HMCN2: variants seen among roughly 807,000 people sequenced by gnomAD.
The protein encoded by HMCN2 is hemicentin-2.
Under a neutral mutation model 377.5 loss-of-function variants are expected in HMCN2, and 325 were observed. The observed-to-expected ratio is 0.86, with a 90% CI of 0.79 to 0.94. The LOEUF is 0.94. Ranked by LOEUF, HMCN2 falls within the 40% of genes least tolerant of loss-of-function variation. The pLI is 0.00. For synonymous variants in HMCN2, 2,007 were observed against 2,046.8 expected (o/e 0.98, Z 0.53); for missense variants, 4,543 against 4,725.3 (o/e 0.96, Z 1.13).
In HMCN2 at chr9:130,408,949, G is replaced by C. The variant is rs746498483; in HGVS notation, c.12879+16G>C. On this transcript the variant is annotated intron_variant, in intron 84 of 97. Transcript: ENST00000683500. ...CAGGACTGAGGCAAGGCGGGGCCTGGCACCTTGGGTGGGGCCACTGAGGAC... is the reference window on the plus strand; with the variant it reads ...CAGGACTGAGGCAAGGCGGGGCCTGCCACCTTGGGTGGGGCCACTGAGGAC... 3 of 1,284,536 alleles carry C rather than the reference G, an allele frequency of 2.3e-6. No individual in the cohort carries two copies. The highest frequency in any genetic ancestry group is 3.0e-5 in the African/African-American group (2 of 65,780). 79.6% of individuals were successfully genotyped at this position (1,284,536 alleles called of 1,614,324 possible).
At chr9:130,420,162 C>T (rs2131792457) in intron 86 of HMCN2, among the ~76,000 whole-genome samples, 1 of 145,264 alleles carries the variant, frequency 6.9e-6, no homozygotes, top group African/African-American at 2.5e-5. Context: ...GCAAGCTCTG[C>T]TCCCCGGGTT....
chr9:130,433,146 T>G, intron 97 of HMCN2: 1 of 490,206 alleles, frequency 2.0e-6, no homozygotes, highest in Non-Finnish European at 3.5e-6. Context: ...GGCCTCTGGC[T>G]TCTCTGGGCT....
Position 130,302,973 on chromosome 9 carries a change from G to T in HMCN2, c.1393G>T (p.Ala465Ser). 1 of 470,618 alleles carries T rather than the reference G, an allele frequency of 2.1e-6. No individual in the cohort carries two copies. The highest frequency in any genetic ancestry group is 2.3e-5 in the Admixed American group (1 of 42,576). 29.2% of individuals were successfully genotyped at this position (470,618 alleles called of 1,614,324 possible). ...PFRLQLRRGE[A>S]RLGEERHFQE... The stretch of plus-strand genomic sequence containing the variant: ...CCGGCTGCAGCTGCGGCGAGGTGAA[G>T]CCAGGCTGGGCGAAGAGAGGCACTT... Residue 465 changes from alanine to serine, a missense_variant, in exon 9 of 98, where the codon GCC becomes TCC. By Grantham distance (99) the Ala-to-Ser change is moderately conservative. Coordinates refer to ENST00000683500, the MANE Select transcript of HMCN2 (RefSeq NM_001291815.2).
intron 39 of HMCN2, among the ~76,000 whole-genome samples, chr9:130,362,663 G>A (rs1840446301): frequency 6.6e-6 from 1 of 152,268 alleles, no homozygotes; most frequent in Non-Finnish European, 1.5e-5. Flanking sequence ...CTCTTCCTGA[G>A]GTCCAGTGTC....
Position 130,408,871 on chromosome 9 carries a change from C to T in HMCN2, c.12817C>T (p.Leu4273=), listed in dbSNP as rs1355837539. The T allele has an allele frequency of 2.3e-6, 3 of 1,289,710 alleles. No individual in the cohort carries two copies. In the South Asian group the frequency reaches 3.7e-5, roughly 16 times the overall value. The allele number at this position is 1,289,710 out of a possible 1,614,324, so 79.9% of individuals were successfully genotyped here. A position where few individuals can be genotyped will look rare whatever the true frequency, so the allele number is the denominator to read the frequency against. Reference sequence around the variant, plus strand: ...CCACTGGATCAAAGATGGCCTTCCACTGCGGGGCAGCCACCTCCGGCACCA... The same window carrying T: ...CCACTGGATCAAAGATGGCCTTCCATTGCGGGGCAGCCACCTCCGGCACCA... The part of the protein sequence containing the change: ...DIHWIKDGLP[L]RGSHLRHQLQ... Residue 4273 remains leucine (L), a synonymous_variant, in exon 84 of 98, where the codon CTG becomes TTG. Coordinates refer to ENST00000683500, the MANE Select transcript of HMCN2 (RefSeq NM_001291815.2).
In HMCN2 at chr9:130,351,004, G is replaced by C. The variant is rs762154441; in HGVS notation, c.4431-419G>C. ...TCCTGACATTCCATCACCCCAAAAG[G>C]ACACCCTGGACCCATCAGCAGCCAG... On this transcript the variant is annotated intron_variant, in intron 29 of 97. Transcript: ENST00000683500. This position sits in a 1 kb window ranked among gnomAD's most constrained non-coding sequence, Gnocchi z 5.4. 3.0e-4 allele frequency among the ~76,000 whole-genome samples: 45 copies of C among 152,060 alleles called. No homozygotes were observed. Among genetic ancestry groups the C allele is most frequent in the Non-Finnish European group, 5.9e-5 (4 of 68,016 alleles).
intron 94 of HMCN2, chr9:130,429,937 T>C: frequency 1.5e-6 from 1 of 674,028 alleles, no homozygotes; most frequent in Non-Finnish European, 2.4e-6. Context: ...GGGGTCATCT[T>C]CCGGGGAATT....
intron 85 of HMCN2, among the ~76,000 whole-genome samples, chr9:130,411,172 G>GC (rs2131751455): frequency 6.6e-6 from 1 of 150,944 alleles, no homozygotes; most frequent in Non-Finnish European, 1.5e-5. Context: ...TCTGCTTACT[G>GC]CCCCCTGCCC....
Position 130,430,484 on chromosome 9 carries a change from T to G in HMCN2, c.14527T>G (p.Ser4843Ala). ...PLLPWLRPWA[S>A]IPGTSYHAWV... Reference sequence around the variant, plus strand: ...ATTGCCCTGGCTGCGGCCCTGGGCCTCGATCCCCGGTACCTCCTACCACGC... The same window carrying G: ...ATTGCCCTGGCTGCGGCCCTGGGCCGCGATCCCCGGTACCTCCTACCACGC... Residue 4843 changes from serine to alanine, a missense_variant, in exon 95 of 98, where the codon TCG (serine) becomes GCG (alanine). Ser to Ala is a moderately conservative substitution (Grantham distance 99). This residue lies in a region of HMCN2 where 1,155 missense variants were observed against 1,157.7 expected (regional missense o/e 1.00). Coordinates refer to ENST00000683500, the MANE Select transcript of HMCN2 (RefSeq NM_001291815.2). The G allele has an allele frequency of 1.3e-6, 2 of 1,550,490 alleles. No homozygotes were observed. Among genetic ancestry groups the G allele is most frequent in the Non-Finnish European group, 1.7e-6 (2 of 1,146,906 alleles).
rs954988642 is a variant in HMCN2 at position 130,325,334 on chromosome 9, G to T, written c.2921-261G>T. 3.3e-5 allele frequency among the ~76,000 whole-genome samples: 5 copies of T among 151,574 alleles called. No homozygotes were observed. The South Asian group carries it at 1.0e-3, about 32-fold the overall frequency. Reference sequence around the variant, plus strand: ...TGGTCTCGAACTCCTGACCTCAAGTGATTCTCCCGCCTCAGCCTCCCAAAG... The same window carrying T: ...TGGTCTCGAACTCCTGACCTCAAGTTATTCTCCCGCCTCAGCCTCCCAAAG... On this transcript the variant is annotated intron_variant, in intron 19 of 97. Coordinates refer to ENST00000683500, the MANE Select transcript of HMCN2 (RefSeq NM_001291815.2).
At chr9:130,288,033 G>A (rs115066396) in intron 4 of HMCN2, among the ~76,000 whole-genome samples, 1,677 of 152,278 alleles carry the variant, frequency 0.011, 25 homozygotes, top group African/African-American at 0.039. Flanking sequence ...GCCTACCCTC[G>A]CACCGAGTCA....
chr9:130,364,066 G>A (rs574038855), intron 40 of HMCN2, among the ~76,000 whole-genome samples: 25 of 152,206 alleles, frequency 1.6e-4, no homozygotes, highest in Non-Finnish European at 2.5e-4. Context: ...GGAAGGATTC[G>A]ATTCTAGCTC....
At chr9:130,352,409 G>A (rs142593399) in intron 30 of HMCN2, among the ~76,000 whole-genome samples, 140 of 152,340 alleles carry the variant, frequency 9.2e-4, no homozygotes, top group African/African-American at 3.1e-3. Flanking sequence ...AAAGGTTAGG[G>A]ACATGCATAG....
chr9:130,431,054 G>A (rs542783006), intron 95 of HMCN2: 59 of 496,068 alleles, frequency 1.2e-4, no homozygotes, highest in African/African-American at 1.1e-3. Flanking sequence ...TGCAGAGAGG[G>A]ACAAAGAGGA....
intron 21 of HMCN2, 118 bp downstream of exon 21, chr9:130,326,088 A>T (rs1397007437): frequency 6.6e-6 from 1 of 152,262 alleles, no homozygotes; most frequent in Non-Finnish European, 1.5e-5. Context: ...AAGTCCTGCA[A>T]AGACACGTGG....
Position 130,355,859 on chromosome 9 carries a change from G to A in HMCN2, c.5255+5G>A. On this transcript the variant is annotated splice_donor_5th_base_variant and intron_variant, in intron 33 of 97. Coordinates refer to ENST00000683500, the MANE Select transcript of HMCN2 (RefSeq NM_001291815.2). The stretch of plus-strand genomic sequence containing the variant: ...CTCCCCAGTACCCACTATCCAGTGA[G>A]TCTGGGGTGGTGGAGGCCAGGGCTG... 1 of 1,291,730 alleles carries A rather than the reference G, an allele frequency of 7.7e-7. No individual in the cohort carries two copies. The highest frequency in any genetic ancestry group is 1.0e-6 in the Non-Finnish European group (1 of 978,092). 80.0% of individuals were successfully genotyped at this position (1,291,730 alleles called of 1,614,324 possible). A position where few individuals can be genotyped will look rare whatever the true frequency, so the allele number is the denominator to read the frequency against.
intron 41 of HMCN2, among the ~76,000 whole-genome samples, chr9:130,365,198 C>G (rs1474928571): frequency 6.6e-6 from 1 of 152,254 alleles, no homozygotes; most frequent in African/African-American, 2.4e-5. Context: ...TCTTCAAAGC[C>G]ACAGCCTAGC....
chr9:130,432,325 C>T (rs1844805912), intron 96 of HMCN2, 104 bp from the exon 97 acceptor site: 2 of 1,043,348 alleles, frequency 1.9e-6, no homozygotes, highest in Admixed American at 2.0e-5. Context: ...AAGGGCTGCC[C>T]ACCTCACTGG....
rs1195795497 is a variant in HMCN2, at chr9:130,394,994, CA to C, written c.10693-32del. The stretch of plus-strand genomic sequence containing the variant: ...GATTGGGAGGCGGGCAGAGAGGGGC[CA>C]GGGGCAGCTGCTCAACCCGCTCCAT... On this transcript the variant is annotated intron_variant, in intron 69 of 97. Transcript: ENST00000683500. The surrounding 1 kb of genome is among the most constrained non-coding windows in gnomAD (Gnocchi z 5.1). 44 of 1,247,904 alleles carry C rather than the reference CA, an allele frequency of 3.5e-5. No homozygotes were observed. The highest frequency in any genetic ancestry group is 2.7e-4 in the Middle Eastern group (1 of 3,730). The allele number at this position is 1,247,904 out of a possible 1,614,324, so 77.3% of individuals were successfully genotyped here.
Sources: allele counts gnomAD v4.1 joint callset (sites outside exome capture counted in the v4.1 genomes callset), GRCh38; gene constraint gnomAD v4.1.1; regional missense constraint gnomAD v4.1.1; non-coding constraint Gnocchi (gnomAD v3.1); transcripts MANE v1.5; gene names NCBI Gene and HGNC (gene_info 2026-07-23, HGNC 2026-07-21).